The following ZNF385B variants were observed in gnomAD, a reference collection of about 807,000 sequenced individuals.
The protein encoded by ZNF385B is zinc finger protein 533.
In ZNF385B, 23 loss-of-function variants were observed where a neutral mutation model predicts 39.2. The ratio of observed to expected loss-of-function variants is 0.59; its 90% CI spans 0.42 to 0.83. ZNF385B has a LOEUF of 0.83. Among genes scored for constraint, ZNF385B ranks in the 40% least tolerant of loss-of-function variants. ZNF385B has a pLI of 0.00. For synonymous variants in ZNF385B, 205 were observed against 222.6 expected (o/e 0.92, Z 0.70); for missense variants, 552 against 598.9 (o/e 0.92, Z 0.82).
chr2:179,554,595 C>G (rs1016029815), intron 3 of ZNF385B, among the ~76,000 whole-genome samples: 1 of 148,442 alleles, frequency 6.7e-6, no homozygotes, highest in Admixed American at 6.7e-5. Flanking sequence ...AGATGTTAAT[C>G]ATAAAAGAAA....
intron 1 of ZNF385B, among the ~76,000 whole-genome samples, chr2:179,791,168 C>G (rs1425641231): frequency 1.3e-5 from 2 of 152,168 alleles, no homozygotes; most frequent in African/African-American, 4.8e-5. Flanking sequence ...CAGGATGATT[C>G]CGATCTACAT....
At chr2:179,513,097 C>T (rs533057000) in intron 5 of ZNF385B, among the ~76,000 whole-genome samples, 6 of 152,178 alleles carry the variant, frequency 3.9e-5, no homozygotes, top group Non-Finnish European at 5.9e-5. Context: ...TTTCAATAAA[C>T]GTATTTTCTA....
intron 3 of ZNF385B, among the ~76,000 whole-genome samples, chr2:179,553,633 T>A (rs2060717960): frequency 6.7e-6 from 1 of 149,038 alleles, no homozygotes. Flanking sequence ...CAAACTCCTG[T>A]CCATCTGACT....
chr2:179,757,713 G>A (rs1041969382), intron 3 of ZNF385B, among the ~76,000 whole-genome samples: 4 of 152,142 alleles, frequency 2.6e-5, no homozygotes, highest in African/African-American at 9.7e-5. Context: ...ATCTCAGACT[G>A]CTGTGCTAGC....
intron 3 of ZNF385B, among the ~76,000 whole-genome samples, chr2:179,762,255 T>TCC (rs1186102640): frequency 5.9e-5 from 9 of 152,144 alleles, no homozygotes; most frequent in Non-Finnish European, 1.2e-4. Flanking sequence ...AGTGGCGTGA[T>TCC]TTCGGCTCAC....
At chr2:179,676,034 AC>A (rs1373304936) in intron 3 of ZNF385B, among the ~76,000 whole-genome samples, 1 of 149,624 alleles carries the variant, frequency 6.7e-6, no homozygotes, top group Non-Finnish European at 1.5e-5. Flanking sequence ...TGATTGGCCC[AC>A]CCTCAGCCTC....
intron 3 of ZNF385B, among the ~76,000 whole-genome samples, chr2:179,564,457 A>G (rs950534155): frequency 3.3e-5 from 5 of 152,166 alleles, no homozygotes; most frequent in Non-Finnish European, 7.4e-5. Context: ...CCCTCTCTAT[A>G]AGACCTTACC....
intron 3 of ZNF385B, among the ~76,000 whole-genome samples, chr2:179,587,884 C>T (rs1159740158): frequency 6.6e-6 from 1 of 152,174 alleles, no homozygotes; most frequent in Non-Finnish European, 1.5e-5. Context: ...AAGTCCCGTT[C>T]TTTAATCTGT....
intron 3 of ZNF385B, among the ~76,000 whole-genome samples, chr2:179,688,700 A>AT (rs1559091599): frequency 6.6e-6 from 1 of 152,108 alleles, no homozygotes; most frequent in African/African-American, 2.4e-5. Flanking sequence ...ACCCTCTAGC[A>AT]TTTTTTGAGG....
rs535695321 is a variant in ZNF385B, at chr2:179,564,382, C to T, written c.299-19413G>A. 3.3e-4 allele frequency among the ~76,000 whole-genome samples: 50 copies of T among 152,142 alleles called. 1 individual carries two copies. In the South Asian group the frequency reaches 0.01, roughly 32 times the overall value. ...AAAATGAGAAGAGCTTGGATGGATCCAAAGGAGGCACCAGGCATCTCTTAC... is the reference window on the plus strand; with the variant it reads ...AAAATGAGAAGAGCTTGGATGGATCTAAAGGAGGCACCAGGCATCTCTTAC... On this transcript the variant is annotated intron_variant, in intron 3 of 9. Transcript: ENST00000410066.
chr2:179,617,705 G>A (rs1389696179), intron 3 of ZNF385B, among the ~76,000 whole-genome samples: 1 of 152,074 alleles, frequency 6.6e-6, no homozygotes, highest in African/African-American at 2.4e-5. Flanking sequence ...ATCAATTTGA[G>A]AACTATTCTT....
At chr2:179,539,207 T>G (rs755343828) in intron 4 of ZNF385B, among the ~76,000 whole-genome samples, 22 of 152,222 alleles carry the variant, frequency 1.4e-4, no homozygotes, top group Non-Finnish European at 2.6e-4. Context: ...CTTCCTGGGC[T>G]TGCAGCTGGC....
intron 1 of ZNF385B, among the ~76,000 whole-genome samples, chr2:179,777,451 A>G (rs1180360966): frequency 6.6e-6 from 1 of 152,212 alleles, no homozygotes; most frequent in Non-Finnish European, 1.5e-5. Flanking sequence ...CACTAGCTAA[A>G]TAACTATGGA....
chr2:179,537,741 A>G (rs553175648), intron 4 of ZNF385B, among the ~76,000 whole-genome samples: 14 of 139,210 alleles, frequency 1.0e-4, no homozygotes, highest in East Asian at 5.8e-4. Context: ...ACTCTGTCTC[A>G]AAAACAAACA....
rs1437763889 is a variant in ZNF385B, at chr2:179,769,585, G to T, written c.216C>A (p.Ser72=). The T allele has an allele frequency of 1.9e-6, 3 of 1,614,050 alleles. No homozygotes were observed. The highest frequency in any genetic ancestry group is 2.5e-6 in the Non-Finnish European group (3 of 1,180,030). The part of the protein sequence containing the change: ...AQAQVHSNGK[S]HRKRVKQLSD... ...TCAGCTGCTTCACTCGTTTGCGGTG[G>T]GATTTGCCGTTGGAATGCACCTGAG... Residue 72 remains serine, a synonymous_variant, in exon 3 of 10, where the codon TCC becomes TCA. Transcript: ENST00000410066.
chr2:179,505,521 C>A (rs2057176196), intron 5 of ZNF385B, among the ~76,000 whole-genome samples: 1 of 151,984 alleles, frequency 6.6e-6, no homozygotes, highest in African/African-American at 2.4e-5. Flanking sequence ...ATAGCTGTCC[C>A]TCATATTATA....
intron 1 of ZNF385B, among the ~76,000 whole-genome samples, chr2:179,784,483 G>GA (rs201114644): frequency 1.3e-4 from 19 of 149,342 alleles, no homozygotes; most frequent in Admixed American, 2.7e-4. Flanking sequence ...ACTAAAAAAA[G>GA]AAAAAAAAAC....
chr2:179,563,208 T>A (rs1684142628), intron 3 of ZNF385B, among the ~76,000 whole-genome samples: 1 of 152,186 alleles, frequency 6.6e-6, no homozygotes, highest in Admixed American at 6.5e-5. Context: ...ATTATTGCTC[T>A]CATATCTAAT....
intron 3 of ZNF385B, chr2:179,576,079 C>A (rs17766255): frequency 0.22 from 210,390 of 957,946 alleles, 24,489 homozygotes; most frequent in South Asian, 0.29. Flanking sequence ...CGTACCTCTC[C>A]TTTTCTTCCC....
Sources: allele counts gnomAD v4.1 joint callset (sites outside exome capture counted in the v4.1 genomes callset), GRCh38; gene constraint gnomAD v4.1.1; transcripts MANE v1.5; gene names NCBI Gene and HGNC (gene_info 2026-07-23, HGNC 2026-07-21).